ZDHHC15: variants seen among roughly 807,000 people sequenced by gnomAD.
ZDHHC15 encodes palmitoyltransferase ZDHHC15.
ZDHHC15 carries 19 observed loss-of-function variants against 31.7 expected under a neutral mutation model. The observed-to-expected ratio is 0.60, with a 90% CI of 0.42 to 0.88. The LOEUF is 0.88. Ranked by LOEUF, ZDHHC15 falls within the 40% of genes least tolerant of loss-of-function variation. The probability of loss-of-function intolerance (pLI) is 0.00; values close to 1 mark genes in which losing one functional copy is unlikely to be tolerated. For synonymous variants in ZDHHC15, 103 were observed against 90.0 expected, an observed-to-expected ratio of 1.14 and a Z score of -0.82; for missense variants, 209 against 251.2, an observed-to-expected ratio of 0.83 and a Z score of 1.14.
chrX:75,384,553 C>T, intron 10 of ZDHHC15: 1 of 819,956 alleles, frequency 1.2e-6, no homozygotes, highest in Non-Finnish European at 1.8e-6. Flanking sequence ...TGTTACCCAG[C>T]ATACTGTTGG....
chrX:75,505,281 G>A (rs1373347668), intron 2 of ZDHHC15, among the ~76,000 whole-genome samples: 1 of 111,839 alleles, frequency 8.9e-6, no homozygotes, highest in East Asian at 2.8e-4. Flanking sequence ...ATAATGTAAA[G>A]CTAAAGGTTT....
intron 3 of ZDHHC15, among the ~76,000 whole-genome samples, chrX:75,472,854 C>T (rs1039026550): frequency 8.9e-6 from 1 of 112,140 alleles, no homozygotes. Flanking sequence ...CAGCAGAGAC[C>T]AACACTCAGC....
intron 1 of ZDHHC15, among the ~76,000 whole-genome samples, chrX:75,520,559 A>C (rs188796664): frequency 1.8e-5 from 2 of 111,686 alleles, no homozygotes; most frequent in Admixed American, 1.9e-4. Context: ...GTCAATACTG[A>C]AAAACTCCAA....
chrX:75,396,757 T>C (rs1342867662), intron 10 of ZDHHC15, among the ~76,000 whole-genome samples: 1 of 111,163 alleles, frequency 9.0e-6, no homozygotes, highest in Non-Finnish European at 1.9e-5. Flanking sequence ...CATCAGCAGA[T>C]GAATAGATAA....
intron 3 of ZDHHC15, among the ~76,000 whole-genome samples, chrX:75,459,713 T>A (rs2084282056): frequency 8.9e-6 from 1 of 111,917 alleles, no homozygotes; most frequent in Non-Finnish European, 1.9e-5. Flanking sequence ...TATCTGCAGT[T>A]CAGCGAACTC....
intron 4 of ZDHHC15, among the ~76,000 whole-genome samples, chrX:75,441,859 G>A (rs373014713): frequency 3.0e-4 from 33 of 110,111 alleles, no homozygotes; most frequent in East Asian, 2.3e-3. Flanking sequence ...TCCTGATCTC[G>A]TGATCCACCC....
chrX:75,515,666 A>C (rs1363818823), intron 1 of ZDHHC15, among the ~76,000 whole-genome samples: 13 of 111,930 alleles, frequency 1.2e-4, no homozygotes, highest in African/African-American at 3.9e-4. Flanking sequence ...CCCTTTGAAA[A>C]CTGGCACAAG....
intron 4 of ZDHHC15, among the ~76,000 whole-genome samples, chrX:75,433,687 GTGTGTGTGTGTATATA>G (rs1409134567): frequency 0.035 from 288 of 8,161 alleles, 1 homozygote; most frequent in Admixed American, 0.079. Flanking sequence ...GTGTGTGTGT[GTGTGTGTGTGTATATA>G]TATATATATA....
intron 3 of ZDHHC15, among the ~76,000 whole-genome samples, chrX:75,455,715 A>T (rs2084208984): frequency 8.9e-6 from 1 of 112,443 alleles, no homozygotes; most frequent in Admixed American, 9.5e-5. Flanking sequence ...ATATGAACAG[A>T]CACTTTTCAA....
At chrX:75,440,852 T>A (rs950672431) in intron 4 of ZDHHC15, among the ~76,000 whole-genome samples, 5 of 111,619 alleles carry the variant, frequency 4.5e-5, no homozygotes, top group African/African-American at 1.6e-4. Context: ...CTTGCTATGG[T>A]TGCTGTGGGA....
At position 75,371,195 on chromosome X, in the gene ZDHHC15, C is replaced by A. The variant is rs2083003335; in HGVS notation, c.*1783G>T. ...AGACAAGGCTTGTCTGTCATAAAACCATGGGAATGGCCAAATAAGGTTTCA... is the reference window on the plus strand; with the variant it reads ...AGACAAGGCTTGTCTGTCATAAAACAATGGGAATGGCCAAATAAGGTTTCA... On this transcript the variant is annotated 3_prime_UTR_variant, in exon 12 of 12. Transcript: ENST00000373367. 1 of 111,694 alleles carries A rather than the reference C, an allele frequency of 9.0e-6. No homozygotes were observed. 9.2% of individuals were successfully genotyped at this position (111,694 alleles called of 1,213,427 possible).
At position 75,417,080 on chromosome X, in the gene ZDHHC15, C is replaced by A; in HGVS notation, c.967+7G>T. ...ATGTGGACTTCATAGTCTTTGACCCCACTTACCTTGGTTGTCATCCTCGTT... is the reference window on the plus strand; with the variant it reads ...ATGTGGACTTCATAGTCTTTGACCCAACTTACCTTGGTTGTCATCCTCGTT... On this transcript the variant is annotated splice_region_variant and intron_variant, in intron 10 of 11. Transcript: ENST00000373367. The A allele has an allele frequency of 8.4e-7, 1 of 1,193,289 alleles. No homozygotes were observed. The highest frequency in any genetic ancestry group is 1.8e-5 in the South Asian group (1 of 56,255).
At chrX:75,461,874 A>T (rs1428771449) in intron 3 of ZDHHC15, among the ~76,000 whole-genome samples, 1 of 112,137 alleles carries the variant, frequency 8.9e-6, no homozygotes, top group Non-Finnish European at 1.9e-5. Flanking sequence ...CACATAAACA[A>T]GTCTGCAAAA....
intron 4 of ZDHHC15, among the ~76,000 whole-genome samples, chrX:75,440,090 T>G (rs754044603): frequency 9.0e-6 from 1 of 111,324 alleles, no homozygotes; most frequent in Non-Finnish European, 1.9e-5. Flanking sequence ...TTGAAGTGGA[T>G]TCTGTGAGGA....
Position 75,460,671 on chromosome X carries a change from T to A in ZDHHC15, c.259-9749A>T, listed in dbSNP as rs138598267. 1.0e-2 allele frequency among the ~76,000 whole-genome samples: 1,067 copies of A among 106,845 alleles called. 16 individuals are homozygous for A. The highest frequency in any genetic ancestry group is 0.033 in the African/African-American group (973 of 29,279). 92.8% of individuals were successfully genotyped at this position (106,845 alleles called of 115,157 possible). On this transcript the variant is annotated intron_variant, in intron 3 of 11. Coordinates refer to ENST00000373367, the MANE Select transcript of ZDHHC15 (RefSeq NM_144969.3). ...AAAATGAGGCAAGTAGGGTCTGGAGTAGACCTGCAGCAAACCACAGCAGCC... is the reference window on the plus strand; with the variant it reads ...AAAATGAGGCAAGTAGGGTCTGGAGAAGACCTGCAGCAAACCACAGCAGCC...
intron 11 of ZDHHC15, among the ~76,000 whole-genome samples, chrX:75,374,043 G>A (rs1438979342): frequency 3.0e-5 from 3 of 100,598 alleles, no homozygotes; most frequent in Admixed American, 2.4e-4. Flanking sequence ...CTAACTCCAT[G>A]AGTTCAATTG....
chrX:75,494,994 G>A (rs2084967252), intron 2 of ZDHHC15, among the ~76,000 whole-genome samples: 1 of 111,493 alleles, frequency 9.0e-6, no homozygotes, highest in Non-Finnish European at 1.9e-5. Flanking sequence ...GAGTGAACAG[G>A]CAACCTACAG....
In ZDHHC15 at chrX:75,478,878, C is replaced by G; in HGVS notation, c.258+13G>C. ...TCTGTTCTTATCCTTTAAGAAGTAA[C>G]CAATATTCTTACCTTCTGGTTTGGC... On this transcript the variant is annotated intron_variant, in intron 3 of 11. Coordinates refer to ENST00000373367, the MANE Select transcript of ZDHHC15 (RefSeq NM_144969.3). The G allele has an allele frequency of 8.6e-7, 1 of 1,160,382 alleles. No homozygotes were observed. Among genetic ancestry groups the G allele is most frequent in the Non-Finnish European group, 1.2e-6 (1 of 854,540 alleles).
chrX:75,433,893 C>T (rs1483657724), intron 4 of ZDHHC15, among the ~76,000 whole-genome samples: 2 of 110,714 alleles, frequency 1.8e-5, no homozygotes, highest in Non-Finnish European at 1.9e-5. Flanking sequence ...GACAGATCTA[C>T]GTTAGTTCTT....
Sources: allele counts gnomAD v4.1 joint callset (sites outside exome capture counted in the v4.1 genomes callset), GRCh38; gene constraint gnomAD v4.1.1; transcripts MANE v1.5; gene names NCBI Gene and HGNC (gene_info 2026-07-23, HGNC 2026-07-21).